The following ANKS6 variants were observed in gnomAD, a reference collection of about 807,000 sequenced individuals.
ANKS6 encodes ankyrin repeat and SAM domain-containing protein 6.
ANKS6 carries 47 observed loss-of-function variants against 77.9 expected under a neutral mutation model. The observed-to-expected ratio is 0.60, with a 90% confidence interval of 0.48 to 0.77. ANKS6 has a LOEUF of 0.77. ANKS6 is among the 30% of genes least tolerant of loss of function. The pLI is 0.00. For missense variants in ANKS6, 1,150 were observed against 1,159.1 expected, an observed-to-expected ratio of 0.99 and a Z score of 0.11; for synonymous variants, 488 against 501.7, an observed-to-expected ratio of 0.97 and a Z score of 0.37.
chr9:98,732,914 C>T lies in ANKS6; in HGVS notation c.*3605G>A. 9.3e-7 allele frequency: 1 copy of T among 1,074,152 alleles called. No homozygotes were observed. Among genetic ancestry groups the T allele is most frequent in the Non-Finnish European group, 1.1e-6 (1 of 884,954 alleles). The allele number at this position is 1,074,152 out of a possible 1,614,324, so 66.5% of individuals were successfully genotyped here. A position where few individuals can be genotyped will look rare whatever the true frequency, so the allele number is the denominator to read the frequency against. ...ACATTACGTGCTGCCTTTGCACATG[C>T]CCCAGCTGGAATGCCCTTTTTCTTT... On this transcript the variant is annotated 3_prime_UTR_variant, in exon 15 of 15. Transcript: ENST00000353234.
intron 1 of ANKS6, 40 bp downstream of exon 1, chr9:98,796,068 GACCGCGTCTCGGGCCAGCGCCGGGC>G (rs1472457396): frequency 7.9e-6 from 10 of 1,260,584 alleles, no homozygotes; most frequent in Non-Finnish European, 1.0e-5. Flanking sequence ...GGCCGCCGGG[GACCGCGTCTCGGGCCAGCGCCGGGC>G]ACCACTCTGG....
chr9:98,774,783 TCA>T (rs1172152957), intron 8 of ANKS6, among the ~76,000 whole-genome samples: 2 of 152,260 alleles, frequency 1.3e-5, no homozygotes, highest in Non-Finnish European at 2.9e-5. Context: ...TGTTAGATCT[TCA>T]AGGAAGTGTT....
chr9:98,734,712 A>C lies in ANKS6; in HGVS notation c.*1807T>G. ...TTTCCCGAATGTGCAAGATGAGGTTACACAATGCCACCTCCAGGGTGGCCA... is the reference window on the plus strand; with the variant it reads ...TTTCCCGAATGTGCAAGATGAGGTTCCACAATGCCACCTCCAGGGTGGCCA... On this transcript the variant is annotated 3_prime_UTR_variant, in exon 15 of 15. Coordinates refer to ENST00000353234, the MANE Select transcript of ANKS6 (RefSeq NM_173551.5). 1.1e-6 allele frequency: 1 copy of C among 938,538 alleles called. No homozygotes were observed. Among genetic ancestry groups the C allele is most frequent in the Non-Finnish European group, 1.3e-6 (1 of 787,306 alleles). The allele number at this position is 938,538 out of a possible 1,614,324, so 58.1% of individuals were successfully genotyped here.
At chr9:98,769,034 G>T (rs1052770892) in intron 10 of ANKS6, among the ~76,000 whole-genome samples, 2 of 117,684 alleles carry the variant, frequency 1.7e-5, no homozygotes, top group African/African-American at 3.4e-5. Context: ...GGCTGAGGGA[G>T]GAGGATCGCT....
At position 98,774,048 on chromosome 9, in the gene ANKS6, C is replaced by A. The variant is rs751375359; in HGVS notation, c.1650G>T (p.Pro550=). 1 of 1,546,850 alleles carries A rather than the reference C, an allele frequency of 6.5e-7. No individual in the cohort carries two copies. Among genetic ancestry groups the A allele is most frequent in the Non-Finnish European group, 8.7e-7 (1 of 1,144,558 alleles). The change falls in exon 9 of 15, where the codon CCG becomes CCT. Residue 550 remains proline, a synonymous_variant. Transcript: ENST00000353234. Reference sequence around the variant, plus strand: ...GGATGACTGCTTTCAGCTTGTCACTCGGGAGTCTGGTGAGGGGAGCTCCGT... The same window carrying A: ...GGATGACTGCTTTCAGCTTGTCACTAGGGAGTCTGGTGAGGGGAGCTCCGT... The part of the protein sequence containing the change: ...LRNGAPLTRL[P]SDKLKAVIPP...
chr9:98,788,478 A>G (rs1809652558), intron 2 of ANKS6, among the ~76,000 whole-genome samples: 1 of 152,196 alleles, frequency 6.6e-6, no homozygotes, highest in African/African-American at 2.4e-5. Context: ...TGCCACAAAC[A>G]ACCCAAACCT....
chr9:98,737,146 T>C (rs2131917186), intron 14 of ANKS6, among the ~76,000 whole-genome samples: 1 of 152,168 alleles, frequency 6.6e-6, no homozygotes, highest in Non-Finnish European at 1.5e-5. Context: ...CATTTTCAGA[T>C]GAGAAAAGAG....
At chr9:98,778,129 CT>C in intron 7 of ANKS6, 96 bp downstream of exon 7, 1 of 1,409,214 alleles carries the variant, frequency 7.1e-7, no homozygotes, top group Non-Finnish European at 9.7e-7. Context: ...CCAACATCAT[CT>C]TACCCCTGAC....
chr9:98,776,011 T>C (rs949406217), intron 8 of ANKS6, among the ~76,000 whole-genome samples: 5 of 152,168 alleles, frequency 3.3e-5, no homozygotes, highest in African/African-American at 1.2e-4. Flanking sequence ...CTCTGCTCCC[T>C]TGTCCTCAGC....
chr9:98,766,556 T>C (rs1024659896), intron 11 of ANKS6, among the ~76,000 whole-genome samples: 3 of 152,170 alleles, frequency 2.0e-5, no homozygotes, highest in African/African-American at 7.2e-5. Context: ...ACTTTTTTCC[T>C]CACAGCCGAA....
chr9:98,779,348 G>A (rs1834099311), intron 6 of ANKS6, among the ~76,000 whole-genome samples: 1 of 152,194 alleles, frequency 6.6e-6, no homozygotes, highest in African/African-American at 2.4e-5. Context: ...ACTGCAGGGA[G>A]ACCCCAGAGT....
At chr9:98,776,108 G>T (rs1833904451) in intron 8 of ANKS6, among the ~76,000 whole-genome samples, 3 of 152,174 alleles carry the variant, frequency 2.0e-5, no homozygotes, top group African/African-American at 7.2e-5. Context: ...CATGTCAGAG[G>T]AAACAAACGT....
chr9:98,747,593 C>G (rs1832205258), intron 13 of ANKS6, among the ~76,000 whole-genome samples: 1 of 152,214 alleles, frequency 6.6e-6, no homozygotes, highest in Admixed American at 6.5e-5. Context: ...CCACCTGCCC[C>G]CCGCCCTGCT....
chr9:98,755,856 G>C (rs1189900753), intron 12 of ANKS6, among the ~76,000 whole-genome samples: 1 of 152,114 alleles, frequency 6.6e-6, no homozygotes, highest in Non-Finnish European at 1.5e-5. Flanking sequence ...GATTTTGCTG[G>C]ACCTACTGAG....
intron 2 of ANKS6, among the ~76,000 whole-genome samples, chr9:98,785,439 A>G (rs1036269679): frequency 6.6e-6 from 1 of 152,244 alleles, no homozygotes; most frequent in Non-Finnish European, 1.5e-5. Flanking sequence ...ACAGCTGGCC[A>G]AAAGCCGCTG....
At position 98,733,913 on chromosome 9, in the gene ANKS6, C is replaced by T; in HGVS notation, c.*2606G>A. On this transcript the variant is annotated 3_prime_UTR_variant, in exon 15 of 15. Coordinates refer to ENST00000353234, the MANE Select transcript of ANKS6 (RefSeq NM_173551.5). The stretch of plus-strand genomic sequence containing the variant: ...TTTGGGAAATGCTGGTGAAGGTTGC[C>T]AAGCAAGGGAGGTGCTTCTTGTGGG... The T allele has an allele frequency of 2.0e-6, 2 of 985,366 alleles. No homozygotes were observed. Among genetic ancestry groups the T allele is most frequent in the Non-Finnish European group, 2.4e-6 (2 of 829,962 alleles). The allele number at this position is 985,366 out of a possible 1,614,324, so 61.0% of individuals were successfully genotyped here. A position where few individuals can be genotyped will look rare whatever the true frequency, so the allele number is the denominator to read the frequency against.
chr9:98,750,966 C>T (rs367753266), intron 13 of ANKS6, 63 bp downstream of exon 13: 130 of 1,387,654 alleles, frequency 9.4e-5, no homozygotes, highest in Non-Finnish European at 1.2e-4. Flanking sequence ...AAAACCTACA[C>T]ATTTAGACAA....
chr9:98,737,164 G>A (rs899890101), intron 14 of ANKS6, among the ~76,000 whole-genome samples: 7 of 152,174 alleles, frequency 4.6e-5, no homozygotes, highest in Non-Finnish European at 8.8e-5. Flanking sequence ...GAGGGTGGAT[G>A]TGAATGTTCT....
At chr9:98,742,449 A>C (rs936830254) in intron 14 of ANKS6, among the ~76,000 whole-genome samples, 2 of 152,168 alleles carry the variant, frequency 1.3e-5, no homozygotes, top group African/African-American at 4.8e-5. Flanking sequence ...GCAGAAGTTA[A>C]ATTTGCTTTT....
Sources: allele counts gnomAD v4.1 joint callset (sites outside exome capture counted in the v4.1 genomes callset), GRCh38; gene constraint gnomAD v4.1.1; transcripts MANE v1.5; gene names NCBI Gene and HGNC (gene_info 2026-07-23, HGNC 2026-07-21).